The following HHATL variants were observed in gnomAD, a reference collection of about 807,000 sequenced individuals.
HHATL encodes protein-cysteine N-palmitoyltransferase HHAT-like protein.
A neutral mutation model predicts 59.7 loss-of-function variants in HHATL; 49 were observed. The ratio of observed to expected loss-of-function variants is 0.82; its 90% confidence interval spans 0.65 to 1.04. The LOEUF (loss-of-function observed/expected upper bound fraction) is 1.04, where lower values mean the gene tolerates loss of function less well. Among genes scored for constraint, HHATL ranks in the 50% least tolerant of loss-of-function variants. HHATL has a pLI of 0.00. For missense variants in HHATL, 605 were observed against 650.8 expected (o/e 0.93, Z 0.77); for synonymous variants, 238 against 257.3 (o/e 0.93, Z 0.72).
At position 42,700,828 on chromosome 3, in the gene HHATL, G is replaced by T; in HGVS notation, c.-2C>A. The T allele has an allele frequency of 5.6e-6, 9 of 1,610,294 alleles. No individual in the cohort carries two copies. Among genetic ancestry groups the T allele is most frequent in the Non-Finnish European group, 7.6e-6 (9 of 1,176,690 alleles). On this transcript the variant is annotated 5_prime_UTR_variant, in exon 2 of 12. Coordinates refer to ENST00000441594, the MANE Select transcript of HHATL (RefSeq NM_020707.4). ...CGGCAATGCTGTCTTGATGCCCATA[G>T]CCTGGACAGGGCTGGGGAGACAGGT...
rs931940052 is a variant in HHATL at position 42,701,255 on chromosome 3, C to T, written c.-13-416G>A. 6 of 173,420 alleles carry T rather than the reference C, an allele frequency of 3.5e-5. No homozygotes were observed. Among genetic ancestry groups the T allele is most frequent in the Admixed American group, 5.8e-5 (1 of 17,188 alleles). 10.7% of individuals were successfully genotyped at this position (173,420 alleles called of 1,614,324 possible). A position where few individuals can be genotyped will look rare whatever the true frequency, so the allele number is the denominator to read the frequency against. On this transcript the variant is annotated intron_variant, in intron 1 of 11. Coordinates refer to ENST00000441594, the MANE Select transcript of HHATL (RefSeq NM_020707.4). The surrounding 1 kb of genome is among the most constrained non-coding windows in gnomAD (Gnocchi z 5.1). Reference sequence around the variant, plus strand: ...GTTTCTGCCTGCAGGGTCCCCACCTCGATCAGTGAGTCTCCCTTAGCTCCT... The same window carrying T: ...GTTTCTGCCTGCAGGGTCCCCACCTTGATCAGTGAGTCTCCCTTAGCTCCT...
chr3:42,700,253 T>G lies in HHATL; in HGVS notation c.107-428A>C, dbSNP rs115764274. Among the ~76,000 whole-genome samples the G allele has an allele frequency of 4.1e-3, 614 of 150,382 alleles. 3 individuals are homozygous for G. Among genetic ancestry groups the G allele is most frequent in the African/African-American group, 0.014 (572 of 40,710 alleles). ...GTGTCTGCATCCAGGTCTCTCTCTG[T>G]GTGTGTGTGTCTGGGTCCAGGTCTC... On this transcript the variant is annotated intron_variant, in intron 2 of 11. Transcript: ENST00000441594.
chr3:42,698,079 G>A, intron 6 of HHATL, 63 bp downstream of exon 6: 1 of 1,505,314 alleles, frequency 6.6e-7, no homozygotes, highest in Non-Finnish European at 9.2e-7. Flanking sequence ...ATCTGAGATG[G>A]AAACCCCAAT....
chr3:42,693,003 A>G, intron 11 of HHATL, 74 bp downstream of exon 11: 1 of 1,596,684 alleles, frequency 6.3e-7, no homozygotes, highest in Non-Finnish European at 8.6e-7. Context: ...GGGAGATAGG[A>G]GGCATTTTGG....
At chr3:42,702,151 G>A (rs932227037) in intron 1 of HHATL, among the ~76,000 whole-genome samples, 6 of 152,246 alleles carry the variant, frequency 3.9e-5, no homozygotes, top group African/African-American at 1.4e-4. Context: ...CTGCCAGCCT[G>A]ATGGCTGTGC....
rs771837014 is a variant in HHATL at position 42,693,588 on chromosome 3, A to AGTCCCAGCCC, written c.1248+19_1248+28dup. The AGTCCCAGCCC allele has an allele frequency of 3.8e-6, 6 of 1,592,750 alleles. No individual in the cohort carries two copies. The South Asian group carries it at 6.7e-5, about 18-fold the overall frequency. Reference sequence around the variant, plus strand: ...CCCCCCCGCCCTCTATGACCCAGCCAGTCCCAGCCCCAGGTCTTCCCTGCT... The same window carrying AGTCCCAGCCC: ...CCCCCCCGCCCTCTATGACCCAGCCAGTCCCAGCCCGTCCCAGCCCCAGGTCTTCCCTGCT... On this transcript the variant is annotated intron_variant, in intron 10 of 11. Coordinates refer to ENST00000441594, the MANE Select transcript of HHATL (RefSeq NM_020707.4).
intron 5 of HHATL, 102 bp downstream of exon 5, chr3:42,698,606 G>A: frequency 1.5e-6 from 2 of 1,370,068 alleles, no homozygotes; most frequent in Non-Finnish European, 2.0e-6. Context: ...CAGGTGGAAA[G>A]TGAAGGGAAT....
At chr3:42,696,718 T>C (rs1559620977) in intron 9 of HHATL, 124 bp downstream of exon 9, 1 of 1,026,138 alleles carries the variant, frequency 9.7e-7, no homozygotes, top group Non-Finnish European at 1.5e-6. Flanking sequence ...CAATACCTCC[T>C]CACTGCCCTC....
At position 42,698,727 on chromosome 3, in the gene HHATL, T is replaced by C. The variant is rs762331583; in HGVS notation, c.464A>G (p.Asp155Gly). Residue 155 changes from aspartate (D) to glycine (G), a missense_variant, in exon 5 of 12, where the codon GAC becomes GGC. Transcript: ENST00000441594. Reference protein sequence around the residue: ...GLASLASFKMDPLISWQSGFV... With the variant: ...GLASLASFKMGPLISWQSGFV... ...TCACACCTGCCAAGAGATTAGGGGGTCCATCTTGAAGGAGGCCAGGCTGGC... is the reference window on the plus strand; with the variant it reads ...TCACACCTGCCAAGAGATTAGGGGGCCCATCTTGAAGGAGGCCAGGCTGGC... The C allele has an allele frequency of 6.3e-7, 1 of 1,579,846 alleles. No homozygotes were observed. The highest frequency in any genetic ancestry group is 8.6e-7 in the Non-Finnish European group (1 of 1,167,330).
chr3:42,697,597 A>G lies in HHATL; in HGVS notation c.776T>C (p.Met259Thr), dbSNP rs1697690378. The G allele has an allele frequency of 1.2e-6, 2 of 1,614,168 alleles. No homozygotes were observed. Among genetic ancestry groups the G allele is most frequent in the Non-Finnish European group, 1.7e-6 (2 of 1,180,006 alleles). ...GAAGTGAAAGAAGATGTCGACGGCC[A>G]TGATGGCCACCACGCTTAGGCCTGC... ...AQAGLSVVAI[M>T]AVDIFFHFFY... Residue 259 changes from methionine (M) to threonine (T), a missense_variant, in exon 7 of 12, where the codon ATG becomes ACG. Physicochemically the swap from Met to Thr is moderately conservative, Grantham distance 81. Transcript: ENST00000441594.
chr3:42,697,212 T>A (rs1697665455), intron 7 of HHATL, 67 bp from the exon 8 acceptor site: 1 of 1,491,388 alleles, frequency 6.7e-7, no homozygotes, highest in Non-Finnish European at 8.9e-7. Context: ...GAAGACCCTG[T>A]CCCACCACTT....
intron 4 of HHATL, 34 bp downstream of exon 4, chr3:42,698,998 C>A: frequency 6.2e-7 from 1 of 1,611,748 alleles, no homozygotes; most frequent in South Asian, 1.1e-5. Context: ...GAGGAGCTGG[C>A]AGGGAGAGGC....
intron 9 of HHATL, 74 bp from the exon 10 acceptor site, chr3:42,693,892 C>T (rs954842651): frequency 1.5e-4 from 184 of 1,244,372 alleles, no homozygotes; most frequent in Non-Finnish European, 2.0e-4. Context: ...GGACACACAA[C>T]AGGGCGTCCT....
rs772710829 is a variant in HHATL at position 42,698,761 on chromosome 3, G to A, written c.430C>T (p.Leu144Phe). Residue 144 changes from leucine (L) to phenylalanine (F), a missense_variant, in exon 5 of 12, where the codon CTT becomes TTT. By Grantham distance (22) the Leu-to-Phe change is conservative (BLOSUM62 0). Coordinates refer to ENST00000441594, the MANE Select transcript of HHATL (RefSeq NM_020707.4). The stretch of plus-strand genomic sequence containing the variant: ...AAGGAGGCCAGGCTGGCCAAGCCAA[G>A]GCCAAGACAGAGCCAGGGCTGGCCC... Reference protein sequence around the residue: ...LLGQPWLCLGLGLASLASFKM... With the variant: ...LLGQPWLCLGFGLASLASFKM... 1 of 1,608,230 alleles carries A rather than the reference G, an allele frequency of 6.2e-7. No individual in the cohort carries two copies. The highest frequency in any genetic ancestry group is 1.7e-5 in the Admixed American group (1 of 58,562).
At chr3:42,700,240 A>G (rs1463565707) in intron 2 of HHATL, among the ~76,000 whole-genome samples, 1 of 96,666 alleles carries the variant, frequency 1.0e-5, no homozygotes, top group Non-Finnish European at 2.0e-5. Flanking sequence ...GTCTGCATCC[A>G]GGTCTCTCTC....
rs930293680 is a variant in HHATL, at chr3:42,702,578, C to G, written c.-14+1G>C. The G allele has an allele frequency of 6.6e-6, 1 of 152,476 alleles. No homozygotes were observed. Among genetic ancestry groups the G allele is most frequent in the Non-Finnish European group, 1.5e-5 (1 of 68,246 alleles). The allele number at this position is 152,476 out of a possible 1,614,324, so 9.4% of individuals were successfully genotyped here. ...TAGCTGCATCCCCAGCTGGCACTGA[C>G]CTTGAGGAGGCCGCAAGGGACCCTG... On this transcript the variant is annotated splice_donor_variant, in intron 1 of 11. Transcript: ENST00000441594. LOFTEE classifies it low-confidence loss of function (5UTR_SPLICE).
chr3:42,701,948 C>T lies in HHATL; in HGVS notation c.-14+631G>A, dbSNP rs1698012713. 6.6e-6 allele frequency among the ~76,000 whole-genome samples: 1 copy of T among 152,160 alleles called. No individual in the cohort carries two copies. The highest frequency in any genetic ancestry group is 1.5e-5 in the Non-Finnish European group (1 of 68,028). ...AGCCCTGTAGCCATCTCCCCTGGGC[C>T]CCCCAGCAGCCGACGGTCTCCTCGT... On this transcript the variant is annotated intron_variant, in intron 1 of 11. Transcript: ENST00000441594. The surrounding 1 kb of genome is among the most constrained non-coding windows in gnomAD (Gnocchi z 5.1).
intron 6 of HHATL, 64 bp downstream of exon 6, chr3:42,698,078 G>A: frequency 6.7e-7 from 1 of 1,500,034 alleles, no homozygotes; most frequent in Non-Finnish European, 9.3e-7. Context: ...TATCTGAGAT[G>A]GAAACCCCAA....
At position 42,700,803 on chromosome 3, in the gene HHATL, C is replaced by T. The variant is rs753460382; in HGVS notation, c.24G>A (p.Pro8=). MGIKTAL[P]AAELGLYSLV... is the part of the protein sequence containing the mutation. ...GAGAGTAGAGGCCCAGCTCAGCCGC[C>T]GGCAATGCTGTCTTGATGCCCATAG... The change falls in exon 2 of 12, where the codon CCG becomes CCA. Residue 8 remains proline (P), a synonymous_variant. Transcript: ENST00000441594. 9.9e-6 allele frequency: 16 copies of T among 1,613,842 alleles called. No homozygotes were observed. The highest frequency in any genetic ancestry group is 3.3e-4 in the Middle Eastern group (2 of 6,056).
Sources: gnomAD v4.1 joint callset for allele counts (sites outside exome capture counted in the v4.1 genomes callset) on GRCh38, gnomAD v4.1.1 for gene constraint, Gnocchi (gnomAD v3.1) non-coding constraint, MANE v1.5 for transcripts, NCBI Gene and HGNC (gene_info 2026-07-23, HGNC 2026-07-21) for gene names.